The following KCTD2 variants were observed in gnomAD, a reference collection of about 807,000 sequenced individuals.
The protein encoded by KCTD2 is BTB/POZ domain-containing protein KCTD2.
KCTD2 carries 18 observed loss-of-function variants against 27.9 expected under a neutral mutation model. The ratio of observed to expected loss-of-function variants is 0.64; its 90% CI spans 0.45 to 0.96. The LOEUF is 0.96. Ranked by LOEUF, KCTD2 falls within the 40% of genes least tolerant of loss-of-function variation. The pLI is 0.00. For missense variants in KCTD2, 280 were observed against 348.0 expected (o/e 0.80, Z 1.56); for synonymous variants, 175 against 148.4 (o/e 1.18, Z -1.30).
chr17:75,035,996 G>C (rs2040111485), intron 3 of KCTD2: 1 of 451,606 alleles, frequency 2.2e-6, no homozygotes, highest in Non-Finnish European at 4.4e-6. Flanking sequence ...AGGGTGTCAG[G>C]ATGCATGTGT....
At chr17:75,052,704 C>T (rs959081445) in intron 2 of KCTD2, among the ~76,000 whole-genome samples, 4 of 152,106 alleles carry the variant, frequency 2.6e-5, no homozygotes, top group African/African-American at 7.2e-5. Flanking sequence ...ACCTGGGCAA[C>T]AAGAATGAAA....
intron 3 of KCTD2, among the ~76,000 whole-genome samples, chr17:75,058,800 A>AAAT: frequency 6.6e-6 from 1 of 151,162 alleles, no homozygotes; most frequent in East Asian, 1.9e-4. Context: ...TGTGTCTTAA[A>AAAT]AAATAATAAT....
upstream of KCTD2, among the ~76,000 whole-genome samples, chr17:75,045,432 CTGGGATCGCTA>C (rs1261358105): frequency 6.6e-6 from 1 of 152,166 alleles, no homozygotes; most frequent in African/African-American, 2.4e-5. Context: ...CCTAATAAGC[CTGGGATCGCTA>C]TGGGAGACTG....
upstream of KCTD2, chr17:75,042,379 C>T: frequency 1.3e-6 from 2 of 1,498,484 alleles, no homozygotes; most frequent in East Asian, 2.3e-5. Context: ...AGGGTCACCA[C>T]ACTTTCCTCT....
chr17:75,065,701 G>A lies in KCTD2; in HGVS notation c.*2654G>A, dbSNP rs146941496. The A allele has an allele frequency of 0.02, 3,104 of 152,350 alleles. 43 individuals carry two copies. The highest frequency in any genetic ancestry group is 0.026 in the Non-Finnish European group (1,754 of 68,094). 9.4% of individuals were successfully genotyped at this position (152,350 alleles called of 1,614,324 possible). A position where few individuals can be genotyped will look rare whatever the true frequency, so the allele number is the denominator to read the frequency against. On this transcript the variant is annotated 3_prime_UTR_variant, in exon 6 of 6. Transcript: ENST00000322444. Reference sequence around the variant, plus strand: ...GGGATGTCAGTGAGGCTGGGAGCAGGGAGCCACGGGATGCTGAGAGAGGAG... The same window carrying A: ...GGGATGTCAGTGAGGCTGGGAGCAGAGAGCCACGGGATGCTGAGAGAGGAG...
chr17:75,038,976 T>C, intron 3 of KCTD2: 1 of 1,614,218 alleles, frequency 6.2e-7, no homozygotes, highest in South Asian at 1.1e-5. Context: ...GGATACTTTT[T>C]CTTGTCTAAT....
chr17:75,034,715 C>A (rs11870474), intron 2 of KCTD2, among the ~76,000 whole-genome samples: 14,048 of 152,008 alleles, frequency 0.092, 1,518 homozygotes, highest in African/African-American at 0.27. Context: ...GCCCTGTAAC[C>A]CCGAGAAGAA....
At chr17:75,042,030 T>G in intron 3 of KCTD2, 1 of 632,996 alleles carries the variant, frequency 1.6e-6, no homozygotes, top group South Asian at 2.1e-5. Context: ...CTATTTACAG[T>G]TCAATCGACC....
intron 2 of KCTD2, among the ~76,000 whole-genome samples, chr17:75,035,010 G>A (rs2040100167): frequency 6.6e-6 from 1 of 152,110 alleles, no homozygotes; most frequent in Non-Finnish European, 1.5e-5. Flanking sequence ...AAGGGTGAGC[G>A]CTTCGCTCAA....
chr17:75,038,544 GACTT>G (rs1299192442), intron 3 of KCTD2, among the ~76,000 whole-genome samples: 2 of 152,210 alleles, frequency 1.3e-5, no homozygotes, highest in African/African-American at 4.8e-5. Flanking sequence ...CTGTTCTTGT[GACTT>G]ACTAATGGAC....
chr17:75,033,399 A>C (rs1221514475), intron 1 of KCTD2, among the ~76,000 whole-genome samples: 1 of 151,986 alleles, frequency 6.6e-6, no homozygotes, highest in East Asian at 1.9e-4. Context: ...TGTAGTATCT[A>C]GTATATATAT....
chr17:75,040,313 A>G, intron 3 of KCTD2: 2 of 840,500 alleles, frequency 2.4e-6, no homozygotes, highest in South Asian at 3.0e-5. Flanking sequence ...CCCAAGCGGA[A>G]ACGAATACGC....
chr17:75,056,982 T>C (rs2073357186), intron 3 of KCTD2, among the ~76,000 whole-genome samples: 1 of 135,162 alleles, frequency 7.4e-6, no homozygotes, highest in Admixed American at 8.9e-5. Context: ...GGAGACAGAG[T>C]CTCGCTGTGT....
At position 75,036,155 on chromosome 17, in the gene KCTD2, G is replaced by A. The variant is rs963310387; in HGVS notation, c.-259+798G>A. The A allele has an allele frequency of 2.0e-5, 8 of 401,968 alleles. 1 individual carries two copies. Among genetic ancestry groups the A allele is most frequent in the Non-Finnish European group, 3.5e-5 (7 of 197,456 alleles). The allele number at this position is 401,968 out of a possible 1,614,324, so 24.9% of individuals were successfully genotyped here. ...TTCAAGCTCCACCTCCTGGGTTCACGCCATTCTCCTGCCTCATCCTCCCAA... is the reference window on the plus strand; with the variant it reads ...TTCAAGCTCCACCTCCTGGGTTCACACCATTCTCCTGCCTCATCCTCCCAA... On this transcript the variant is annotated intron_variant, in intron 3 of 7. Transcript: ENST00000581589.
intron 4 of KCTD2, 31 bp from the exon 5 acceptor site, chr17:75,062,089 A>T (rs778022887): frequency 2.5e-6 from 4 of 1,613,002 alleles, no homozygotes; most frequent in Non-Finnish European, 2.5e-6. Flanking sequence ...AGATTGCCAC[A>T]TGAATGTTCA....
At chr17:75,052,243 A>G (rs116483912) in intron 2 of KCTD2, among the ~76,000 whole-genome samples, 2,589 of 152,020 alleles carry the variant, frequency 0.017, 59 homozygotes, top group African/African-American at 0.058. Context: ...CGAAAATAGC[A>G]AAGAGATATT....
intron 1 of KCTD2, 54 bp from the exon 2 acceptor site, chr17:75,049,166 T>C: frequency 1.9e-6 from 2 of 1,074,236 alleles, no homozygotes. Context: ...GCCCTGCCTT[T>C]GTTTAAAATA....
At chr17:75,059,470 G>A (rs1279730100) in intron 3 of KCTD2, 40 bp from the exon 4 acceptor site, 25 of 1,423,832 alleles carry the variant, frequency 1.8e-5, no homozygotes, top group Admixed American at 4.0e-5. Context: ...AAACTGTGGT[G>A]TCCTTGGTGC....
intron 1 of KCTD2, 88 bp from the exon 2 acceptor site, chr17:75,049,132 C>T (rs2144925680): frequency 1.1e-5 from 8 of 732,938 alleles, no homozygotes; most frequent in East Asian, 7.9e-5. Context: ...TGTCTTGGGG[C>T]GCTGACAAAG....
Sources: allele counts gnomAD v4.1 joint callset (sites outside exome capture counted in the v4.1 genomes callset), GRCh38; gene constraint gnomAD v4.1.1; transcripts MANE v1.5; gene names NCBI Gene and HGNC (gene_info 2026-07-23, HGNC 2026-07-21).